Variants in HEXB observed in about 807,000 individuals in gnomAD.
HEXB encodes the protein hexosaminidase subunit beta.
A neutral mutation model predicts 71.2 loss-of-function variants in HEXB; 51 were observed. The ratio of observed to expected loss-of-function variants is 0.72; its 90% confidence interval spans 0.57 to 0.90. The LOEUF (loss-of-function observed/expected upper bound fraction) is 0.90, where lower values mean the gene tolerates loss of function less well. Ranked by LOEUF, HEXB falls within the 40% of genes least tolerant of loss-of-function variation. HEXB has a pLI of 0.00. For synonymous variants in HEXB, 266 were observed against 249.3 expected, an observed-to-expected ratio of 1.07 and a Z score of -0.63; for missense variants, 617 against 677.0, an observed-to-expected ratio of 0.91 and a Z score of 0.98.
chr5:74,708,057 A>T (rs370816430), intron 6 of HEXB, among the ~76,000 whole-genome samples: 2,452 of 151,852 alleles, frequency 0.016, 13 homozygotes, highest in Admixed American at 0.022. Context: ...CGGGTTACCC[A>T]CAAAGGGAAG....
intron 5 of HEXB, among the ~76,000 whole-genome samples, chr5:74,702,973 A>G (rs1197675936): frequency 6.6e-6 from 1 of 152,100 alleles, no homozygotes; most frequent in Non-Finnish European, 1.5e-5. Context: ...TTTGTTTGAG[A>G]TGGAGTTTCG....
Position 74,693,632 on chromosome 5 carries a change from A to G in HEXB, c.446-7A>G, listed in dbSNP as rs775644956. On this transcript the variant is annotated splice_region_variant and splice_polypyrimidine_tract_variant and intron_variant, in intron 2 of 13. Coordinates refer to ENST00000261416, the MANE Select transcript of HEXB (RefSeq NM_000521.4). ...AGTGTGTGTGTGATTTTAAATCCTCAATACAGATACTTTACTTGTGAAAGA... is the reference window on the plus strand; with the variant it reads ...AGTGTGTGTGTGATTTTAAATCCTCGATACAGATACTTTACTTGTGAAAGA... 3 of 1,601,978 alleles carry G rather than the reference A, an allele frequency of 1.9e-6. No homozygotes were observed. The highest frequency in any genetic ancestry group is 2.6e-6 in the Non-Finnish European group (3 of 1,168,788).
At chr5:74,683,755 T>C (rs1748782436), upstream of HEXB, among the ~76,000 whole-genome samples, 1 of 151,860 alleles carries the variant, frequency 6.6e-6, no homozygotes, top group Admixed American at 6.6e-5. Context: ...GTATTCAACA[T>C]GCCAAAGTGC....
At chr5:74,711,298 AG>A (rs1376478552) in intron 6 of HEXB, among the ~76,000 whole-genome samples, 1 of 146,436 alleles carries the variant, frequency 6.8e-6, no homozygotes, top group African/African-American at 2.6e-5. Context: ...GATGGATTAA[AG>A]ACTTAAACGT....
At chr5:74,684,163 C>T (rs1748795094), upstream of HEXB, among the ~76,000 whole-genome samples, 1 of 152,154 alleles carries the variant, frequency 6.6e-6, no homozygotes, top group Admixed American at 6.5e-5. Flanking sequence ...GCTCTTCCAC[C>T]CTCATTTTCA....
Position 74,652,020 on chromosome 5 carries a change from C to T in HEXB, c.-377+11462C>T, listed in dbSNP as rs768008252. On this transcript the variant is annotated intron_variant, in intron 1 of 13. Transcript: ENST00000511181. The surrounding 1 kb of genome is among the most constrained non-coding windows in gnomAD (Gnocchi z 5.4). ...TAAAACTACTCTTATGCCAGACAAACTAGGACGTGTCTAAAAAGTCAGACA... is the reference window on the plus strand; with the variant it reads ...TAAAACTACTCTTATGCCAGACAAATTAGGACGTGTCTAAAAAGTCAGACA... Among the ~76,000 whole-genome samples the T allele has an allele frequency of 2.6e-5, 4 of 152,212 alleles. No homozygotes were observed. Among genetic ancestry groups the T allele is most frequent in the Non-Finnish European group, 5.9e-5 (4 of 68,050 alleles).
chr5:74,691,047 C>T (rs1359293889), intron 2 of HEXB, among the ~76,000 whole-genome samples: 7 of 152,228 alleles, frequency 4.6e-5, no homozygotes, highest in East Asian at 1.9e-4. Flanking sequence ...TGAAATGTAT[C>T]GAGACTAGAG....
intron 1 of HEXB, among the ~76,000 whole-genome samples, chr5:74,648,460 CCTTCTCCAGCA>C (rs2112070294): frequency 6.6e-6 from 1 of 152,330 alleles, no homozygotes; most frequent in Admixed American, 6.5e-5. Flanking sequence ...CCTCCAATCC[CCTTCTCCAGCA>C]CAATCTGCAG....
chr5:74,675,986 G>T (rs1201654063), intron 1 of HEXB, among the ~76,000 whole-genome samples: 1 of 152,182 alleles, frequency 6.6e-6, no homozygotes, highest in African/African-American at 2.4e-5. Flanking sequence ...TAGAGTATAA[G>T]ACTTTGGTGA....
chr5:74,712,071 C>T lies in HEXB; in HGVS notation c.772-1435C>T, dbSNP rs533423314. Among the ~76,000 whole-genome samples the T allele has an allele frequency of 8.5e-4, 123 of 144,106 alleles. 1 individual carries two copies. Among genetic ancestry groups the T allele is most frequent in the Non-Finnish European group, 1.4e-3 (90 of 65,956 alleles). The allele number at this position is 144,106 out of a possible 152,430, so 94.5% of individuals were successfully genotyped here. A position where few individuals can be genotyped will look rare whatever the true frequency, so the allele number is the denominator to read the frequency against. ...GATAGACTGGATTAAGAAAATGTGG[C>T]ACATATACACCATGGAATACTATGC... On this transcript the variant is annotated intron_variant, in intron 6 of 13. Coordinates refer to ENST00000261416, the MANE Select transcript of HEXB (RefSeq NM_000521.4).
chr5:74,697,387 C>T lies in HEXB; in HGVS notation c.669+281C>T, dbSNP rs114583040. Among the ~76,000 whole-genome samples the T allele has an allele frequency of 0.01, 1,537 of 152,248 alleles. 17 individuals carry two copies. The highest frequency in any genetic ancestry group is 0.026 in the African/African-American group (1,062 of 41,510). ...TTAAACACTGCCCATTGGCCCTTTA[C>T]ATATACTCCCATTTGTCAAATCATG... On this transcript the variant is annotated intron_variant, in intron 5 of 13. Transcript: ENST00000261416.
Position 74,696,605 on chromosome 5 carries a change from C to T in HEXB, c.512-88C>T, listed in dbSNP as rs1324064199. 3 of 738,974 alleles carry T rather than the reference C, an allele frequency of 4.1e-6. No homozygotes were observed. In the East Asian group the frequency reaches 7.9e-5, roughly 20 times the overall value. The allele number at this position is 738,974 out of a possible 1,614,324, so 45.8% of individuals were successfully genotyped here. The stretch of plus-strand genomic sequence containing the variant: ...CTATATTCAATTATATTTGCCTTAC[C>T]TGGTTATGAGTCTGTTTGAATAATA... On this transcript the variant is annotated intron_variant, in intron 3 of 13. Coordinates refer to ENST00000261416, the MANE Select transcript of HEXB (RefSeq NM_000521.4).
At chr5:74,669,895 C>T (rs939562408) in intron 1 of HEXB, among the ~76,000 whole-genome samples, 1 of 152,134 alleles carries the variant, frequency 6.6e-6, no homozygotes, top group Admixed American at 6.5e-5. Context: ...CAGAGACAGG[C>T]CAGGAGCCCC....
chr5:74,679,843 A>T (rs372504036), intron 1 of HEXB, among the ~76,000 whole-genome samples: 1 of 88,218 alleles, frequency 1.1e-5, no homozygotes, highest in African/African-American at 3.2e-5. Context: ...TTTCAGGCAG[A>T]AATCAAGTCC....
chr5:74,660,766 CAT>C (rs1465520225), intron 1 of HEXB, among the ~76,000 whole-genome samples: 1 of 151,934 alleles, frequency 6.6e-6, no homozygotes, highest in African/African-American at 2.4e-5. Flanking sequence ...GGAAAAAAAA[CAT>C]AAAAAATGTT....
chr5:74,663,932 C>G (rs2112092419), intron 1 of HEXB, among the ~76,000 whole-genome samples: 1 of 151,724 alleles, frequency 6.6e-6, no homozygotes, highest in East Asian at 1.9e-4. Context: ...TCAAGACCAG[C>G]CTGGGCAACA....
intron 1 of HEXB, among the ~76,000 whole-genome samples, chr5:74,661,764 A>G (rs1196208970): frequency 1.3e-5 from 2 of 152,220 alleles, no homozygotes; most frequent in African/African-American, 2.4e-5. Flanking sequence ...CCAAACCTAC[A>G]AAACAAATTG....
intron 1 of HEXB, among the ~76,000 whole-genome samples, chr5:74,676,241 A>G (rs1748627876): frequency 6.6e-6 from 1 of 152,220 alleles, no homozygotes; most frequent in Admixed American, 6.5e-5. Context: ...AAGCTTGAGT[A>G]GTGCAACCCA....
intron 1 of HEXB, among the ~76,000 whole-genome samples, chr5:74,688,523 A>C (rs1315529417): frequency 1.3e-5 from 2 of 151,756 alleles, no homozygotes; most frequent in Non-Finnish European, 2.9e-5. Context: ...TTTAGTAGAG[A>C]CTGTGTATTT....
Sources: gnomAD v4.1 joint callset for allele counts (sites outside exome capture counted in the v4.1 genomes callset) on GRCh38, gnomAD v4.1.1 for gene constraint, Gnocchi (gnomAD v3.1) non-coding constraint, MANE v1.5 for transcripts, NCBI Gene and HGNC (gene_info 2026-07-23, HGNC 2026-07-21) for gene names.